Variants in RAI14 observed in about 807,000 individuals in gnomAD.
RAI14 encodes retinoic acid induced 14.
Under a neutral mutation model 115.4 loss-of-function variants are expected in RAI14, and 45 were observed. That is an observed-to-expected ratio of 0.39 (90% CI 0.31 to 0.50). The LOEUF (loss-of-function observed/expected upper bound fraction) is 0.50. Ranked by LOEUF, RAI14 falls within the 20% of genes least tolerant of loss-of-function variation. The probability of loss-of-function intolerance (pLI) is 0.85; values close to 1 mark genes in which losing one functional copy is unlikely to be tolerated. For synonymous variants in RAI14, 371 were observed against 415.4 expected (o/e 0.89, Z 1.30); for missense variants, 939 against 1,131.2 (o/e 0.83, Z 2.44).
intron 2 of RAI14, among the ~76,000 whole-genome samples, chr5:34,753,654 A>G (rs1747448580): frequency 6.6e-6 from 1 of 151,830 alleles, no homozygotes; most frequent in South Asian, 2.1e-4. Flanking sequence ...TGTGAGTCAC[A>G]CCTATAATCC....
chr5:34,752,698 C>CAT lies in RAI14; in HGVS notation c.37-4765_37-4764dup, dbSNP rs66644463. 1.4e-3 allele frequency among the ~76,000 whole-genome samples: 129 copies of CAT among 89,654 alleles called. 2 individuals carry two copies. Among genetic ancestry groups the CAT allele is most frequent in the African/African-American group, 5.3e-3 (119 of 22,558 alleles). The allele number at this position is 89,654 out of a possible 152,430, so 58.8% of individuals were successfully genotyped here. Reference sequence around the variant, plus strand: ...CAGTAAGAAATATCTATATTTCTTACATATATGTGTGTGTGTGTGTGTGTG... The same window carrying CAT: ...CAGTAAGAAATATCTATATTTCTTACATATATATGTGTGTGTGTGTGTGTGTG... On this transcript the variant is annotated intron_variant, in intron 2 of 17. Transcript: ENST00000265109.
At chr5:34,822,664 C>CTTTTTCTTTTTT (rs1756991248) in intron 14 of RAI14, among the ~76,000 whole-genome samples, 3 of 47,566 alleles carry the variant, frequency 6.3e-5, no homozygotes, top group African/African-American at 2.0e-4. Flanking sequence ...CCTTTGGTAT[C>CTTTTTCTTTTTT]TTTTTTTTTT....
intron 1 of RAI14, among the ~76,000 whole-genome samples, chr5:34,662,720 G>GTT (rs1195905445): frequency 2.1e-4 from 12 of 56,376 alleles, no homozygotes; most frequent in East Asian, 5.2e-4. Context: ...AATTTAAACA[G>GTT]ATTTTTTTTT....
At chr5:34,805,391 A>G (rs1008557625) in intron 5 of RAI14, among the ~76,000 whole-genome samples, 6 of 151,652 alleles carry the variant, frequency 4.0e-5, no homozygotes, top group Non-Finnish European at 4.4e-5. Flanking sequence ...CCCCACTCCT[A>G]TACTCTCTGC....
intron 2 of RAI14, among the ~76,000 whole-genome samples, chr5:34,732,589 C>G (rs1744341103): frequency 1.3e-5 from 2 of 151,560 alleles, no homozygotes; most frequent in Non-Finnish European, 2.9e-5. Context: ...CAGGTGTATG[C>G]CACCATGCCT....
chr5:34,740,720 C>G (rs1197369058), intron 2 of RAI14, among the ~76,000 whole-genome samples: 3 of 152,114 alleles, frequency 2.0e-5, no homozygotes, highest in Non-Finnish European at 4.4e-5. Flanking sequence ...ATGTCATGGC[C>G]CCTTGTCTCA....
At chr5:34,809,625 A>C (rs1355202315) in intron 7 of RAI14, among the ~76,000 whole-genome samples, 1 of 150,188 alleles carries the variant, frequency 6.7e-6, no homozygotes, top group African/African-American at 2.4e-5. Flanking sequence ...TTTTTTTTCT[A>C]AACTGGGAAG....
intron 1 of RAI14, among the ~76,000 whole-genome samples, chr5:34,667,808 A>G (rs1019778054): frequency 2.0e-5 from 3 of 152,164 alleles, no homozygotes; most frequent in Non-Finnish European, 4.4e-5. Flanking sequence ...TGCAGGACCC[A>G]GGCCCTTGGC....
At chr5:34,745,588 C>A (rs528027202) in intron 2 of RAI14, among the ~76,000 whole-genome samples, 2 of 152,234 alleles carry the variant, frequency 1.3e-5, no homozygotes, top group African/African-American at 4.8e-5. Flanking sequence ...ACCCTTTGAC[C>A]CTGGAATCTC....
intron 4 of RAI14, among the ~76,000 whole-genome samples, chr5:34,797,666 A>G (rs947334317): frequency 6.6e-6 from 1 of 152,228 alleles, no homozygotes; most frequent in Admixed American, 6.5e-5. Context: ...CTTGAGGGAA[A>G]TACTAATTTA....
Position 34,719,191 on chromosome 5 carries a change from C to T in RAI14, c.36+32236C>T, listed in dbSNP as rs934868450. Among the ~76,000 whole-genome samples, 5 of 152,170 alleles carry T rather than the reference C, an allele frequency of 3.3e-5. No homozygotes were observed. In the South Asian group the frequency reaches 6.2e-4, roughly 19 times the overall value. ...GGTGGCTCATTCCCTCAGCATCTGA[C>T]GGATAATGCTGGCTGTCACCTAAGA... On this transcript the variant is annotated intron_variant, in intron 2 of 17. Transcript: ENST00000265109.
chr5:34,731,585 A>G (rs1222977737), intron 2 of RAI14, among the ~76,000 whole-genome samples: 1 of 152,216 alleles, frequency 6.6e-6, no homozygotes. Flanking sequence ...TTACTTCCAC[A>G]TTGTTTTTCT....
At chr5:34,681,856 CTTTTT>C (rs553263716) in intron 1 of RAI14, among the ~76,000 whole-genome samples, 1 of 122,192 alleles carries the variant, frequency 8.2e-6, no homozygotes, top group East Asian at 2.3e-4. Context: ...TTCTTTCTTT[CTTTTT>C]TTTTTTTTTT....
chr5:34,822,664 C>CTTTTTTT lies in RAI14; in HGVS notation c.1114-261_1114-255dup, dbSNP rs143092935. On this transcript the variant is annotated intron_variant, in intron 14 of 17. Transcript: ENST00000265109. ...GCTTAGCTAACCACGCCTTTGGTAT[C>CTTTTTTT]TTTTTTTTTTTTTTTTTTTTTTTTT... Among the ~76,000 whole-genome samples, 8 of 47,568 alleles carry CTTTTTTT rather than the reference C, an allele frequency of 1.7e-4. 1 individual carries two copies. The highest frequency in any genetic ancestry group is 3.3e-4 in the African/African-American group (5 of 15,154). The allele number at this position is 47,568 out of a possible 152,430, so 31.2% of individuals were successfully genotyped here.
intron 2 of RAI14, chr5:34,688,322 C>G (rs1354509273): frequency 2.9e-6 from 4 of 1,386,822 alleles, no homozygotes; most frequent in Non-Finnish European, 4.0e-6. Context: ...TAACAAATGT[C>G]TTTTTCTATT....
At chr5:34,773,584 G>A (rs1750460485) in intron 3 of RAI14, among the ~76,000 whole-genome samples, 1 of 152,042 alleles carries the variant, frequency 6.6e-6, no homozygotes, top group Non-Finnish European at 1.5e-5. Context: ...CCATTAAAAA[G>A]TGGGCTAAGG....
At chr5:34,826,550 T>G in intron 16 of RAI14, 71 bp downstream of exon 16, 4 of 1,544,432 alleles carry the variant, frequency 2.6e-6, no homozygotes, top group Non-Finnish European at 3.5e-6. Flanking sequence ...TCTCAGCTGC[T>G]AGGGCAAGTG....
At chr5:34,709,255 C>A (rs902085807) in intron 2 of RAI14, among the ~76,000 whole-genome samples, 3 of 152,012 alleles carry the variant, frequency 2.0e-5, no homozygotes, top group Non-Finnish European at 4.4e-5. Context: ...TGAGACCAGT[C>A]TGGCCAACTT....
At chr5:34,694,412 G>A (rs1738981884) in intron 2 of RAI14, among the ~76,000 whole-genome samples, 2 of 152,192 alleles carry the variant, frequency 1.3e-5, no homozygotes, top group Non-Finnish European at 2.9e-5. Flanking sequence ...ACAGGGGCCA[G>A]CGTTGGCCAA....
Sources: gnomAD v4.1 joint callset for allele counts (sites outside exome capture counted in the v4.1 genomes callset) on GRCh38, gnomAD v4.1.1 for gene constraint, MANE v1.5 for transcripts, NCBI Gene and HGNC (gene_info 2026-07-23, HGNC 2026-07-21) for gene names.